The following EIF4G3 variants were observed in gnomAD, a reference collection of about 807,000 sequenced individuals.
EIF4G3 encodes eukaryotic translation initiation factor 4 gamma 3, also known as eIF-4-gamma 3.
EIF4G3 carries 34 observed loss-of-function variants against 186.4 expected under a neutral mutation model. The observed-to-expected ratio is 0.18, with a 90% CI of 0.14 to 0.24. The LOEUF is 0.24. EIF4G3 is among the 10% of genes least tolerant of loss of function. The probability of loss-of-function intolerance (pLI) is 1.00; values close to 1 mark genes in which losing one functional copy is unlikely to be tolerated. For missense variants in EIF4G3, 1,536 were observed against 1,948.5 expected (o/e 0.79, Z 3.99); for synonymous variants, 673 against 679.5 (o/e 0.99, Z 0.15).
intron 26 of EIF4G3, among the ~76,000 whole-genome samples, chr1:20,854,589 C>G (rs956942372): frequency 2.7e-5 from 4 of 150,714 alleles, no homozygotes; most frequent in African/African-American, 4.9e-5. Flanking sequence ...CCTGTAGTCC[C>G]AGCTACTCAG....
intron 14 of EIF4G3, among the ~76,000 whole-genome samples, chr1:20,935,425 G>T (rs952126488): frequency 6.6e-6 from 1 of 152,084 alleles, no homozygotes. Context: ...ATGAAGAAAA[G>T]AAATATATTG....
chr1:20,836,146 G>C (rs1043314270), intron 30 of EIF4G3, among the ~76,000 whole-genome samples: 3 of 152,076 alleles, frequency 2.0e-5, no homozygotes, highest in Admixed American at 6.6e-5. Flanking sequence ...CATGCCCAGA[G>C]AGTTTTTGTA....
At chr1:20,990,433 A>G (rs1406067804) in intron 7 of EIF4G3, among the ~76,000 whole-genome samples, 1 of 152,058 alleles carries the variant, frequency 6.6e-6, no homozygotes, top group East Asian at 1.9e-4. Context: ...CCAGCACTTT[A>G]GGAGGCTGAG....
In EIF4G3 at chr1:20,811,275, C is replaced by CTTA. The variant is rs71014112; in HGVS notation, c.4598-392_4598-391insTAA. Among the ~76,000 whole-genome samples, 79 of 151,364 alleles carry CTTA rather than the reference C, an allele frequency of 5.2e-4. 15 individuals are homozygous for CTTA. The highest frequency in any genetic ancestry group is 7.2e-4 in the Admixed American group (11 of 15,194). On this transcript the variant is annotated intron_variant, in intron 35 of 36. Coordinates refer to ENST00000602326, the MANE Select transcript of EIF4G3 (RefSeq NM_001391906.1). ...GGCCTTTCTTCTTCTTCTTCTTCTT[C>CTTA]TATTTTAGATTTTAAATAATAGAGA...
chr1:20,844,904 C>T (rs1163606973), intron 29 of EIF4G3, among the ~76,000 whole-genome samples: 1 of 152,146 alleles, frequency 6.6e-6, no homozygotes, highest in Non-Finnish European at 1.5e-5. Flanking sequence ...ACATTTCCTC[C>T]TATTCTGTAA....
intron 19 of EIF4G3, among the ~76,000 whole-genome samples, 195 bp downstream of exon 19, chr1:20,886,006 T>A (rs938526298): frequency 6.6e-6 from 1 of 152,114 alleles, no homozygotes; most frequent in African/African-American, 2.4e-5. Context: ...TCTGAAAAAA[T>A]ACACATAAAG....
intron 30 of EIF4G3, among the ~76,000 whole-genome samples, chr1:20,838,818 A>G (rs1431156951): frequency 6.6e-6 from 1 of 152,100 alleles, no homozygotes; most frequent in African/African-American, 2.4e-5. Context: ...CTGGGACTAT[A>G]GCGGCACACC....
At chr1:20,944,434 G>A (rs1237075239) in intron 13 of EIF4G3, among the ~76,000 whole-genome samples, 1 of 151,928 alleles carries the variant, frequency 6.6e-6, no homozygotes, top group Non-Finnish European at 1.5e-5. Flanking sequence ...AGGATCGTTT[G>A]AGCCCAGGAG....
chr1:21,111,224 A>T, intron 2 of EIF4G3: 1 of 438,628 alleles, frequency 2.3e-6, no homozygotes, highest in Non-Finnish European at 4.7e-6. Context: ...TGTGTTGCAC[A>T]TTCCTGAGTA....
chr1:21,170,160 G>C (rs746536127), intron 2 of EIF4G3, among the ~76,000 whole-genome samples: 1 of 150,584 alleles, frequency 6.6e-6, no homozygotes, highest in Non-Finnish European at 1.5e-5. Context: ...AGGGCGACAA[G>C]AGTGAAACTC....
chr1:21,172,878 C>A (rs1001141493), intron 2 of EIF4G3, among the ~76,000 whole-genome samples: 3 of 151,462 alleles, frequency 2.0e-5, no homozygotes, highest in African/African-American at 7.3e-5. Flanking sequence ...CAGTGGCTCA[C>A]GCCTGTAATC....
Position 20,981,232 on chromosome 1 carries a change from G to T in EIF4G3, c.199-5C>A. ...TATTTGAGGCCTCTGGAAAAACTGG[G>T]AAGGGGAGAAAAAAAAAATTTTTTT... On this transcript the variant is annotated splice_polypyrimidine_tract_variant and splice_region_variant and intron_variant, in intron 8 of 36. Coordinates refer to ENST00000602326, the MANE Select transcript of EIF4G3 (RefSeq NM_001391906.1). 1.3e-6 allele frequency: 2 copies of T among 1,562,198 alleles called. No individual in the cohort carries two copies. The highest frequency in any genetic ancestry group is 1.2e-5 in the South Asian group (1 of 82,454).
At chr1:20,817,269 T>TAAAAAAAAAAAA (rs2061289116) in intron 34 of EIF4G3, 123 bp downstream of exon 34, 1 of 254,780 alleles carries the variant, frequency 3.9e-6, no homozygotes, top group Non-Finnish European at 6.0e-6. Context: ...AATAAAAAAA[T>TAAAAAAAAAAAA]AAATAAATAA....
intron 4 of EIF4G3, among the ~76,000 whole-genome samples, chr1:21,027,251 G>A (rs112813890): frequency 0.032 from 4,595 of 144,662 alleles, 256 homozygotes; most frequent in African/African-American, 0.11. Flanking sequence ...GGAGTGCAGT[G>A]GCAAGATCTC....
At chr1:20,821,362 T>C (rs2062300265) in intron 33 of EIF4G3, among the ~76,000 whole-genome samples, 1 of 152,232 alleles carries the variant, frequency 6.6e-6, no homozygotes, top group South Asian at 2.1e-4. Flanking sequence ...TGGGTACTGG[T>C]AAGTTCTATG....
At chr1:20,932,584 T>C (rs964299286) in intron 14 of EIF4G3, among the ~76,000 whole-genome samples, 4 of 152,092 alleles carry the variant, frequency 2.6e-5, no homozygotes, top group African/African-American at 9.7e-5. Context: ...AATTTCAATA[T>C]TGTTGTATCT....
chr1:20,814,110 G>T (rs1012906243), intron 34 of EIF4G3, among the ~76,000 whole-genome samples: 1 of 151,316 alleles, frequency 6.6e-6, no homozygotes, highest in African/African-American at 2.4e-5. Flanking sequence ...TCAGCCTCCC[G>T]AGTAGCTGGG....
chr1:21,100,027 C>A (rs889516534), intron 2 of EIF4G3, among the ~76,000 whole-genome samples: 2 of 151,976 alleles, frequency 1.3e-5, no homozygotes, highest in African/African-American at 4.8e-5. Context: ...TTTTATTTGG[C>A]AATAAAAAGA....
At chr1:20,852,789 G>A (rs1171141785) in intron 27 of EIF4G3, among the ~76,000 whole-genome samples, 2 of 152,158 alleles carry the variant, frequency 1.3e-5, no homozygotes, top group Non-Finnish European at 2.9e-5. Context: ...GAATCATCAT[G>A]AAAAGCTGCC....
Sources: allele counts gnomAD v4.1 joint callset (sites outside exome capture counted in the v4.1 genomes callset), GRCh38; gene constraint gnomAD v4.1.1; transcripts MANE v1.5; gene names NCBI Gene and HGNC (gene_info 2026-07-23, HGNC 2026-07-21).